Variants in IGSF10 observed in about 807,000 individuals in gnomAD.
IGSF10 encodes the protein immunoglobulin superfamily member 10.
In IGSF10, 126 loss-of-function variants were observed where a neutral mutation model predicts 128.2. That is an observed-to-expected ratio of 0.98 (90% confidence interval 0.85 to 1.14). The LOEUF (loss-of-function observed/expected upper bound fraction) is 1.14, where lower values mean the gene tolerates loss of function less well. Ranked by LOEUF, IGSF10 falls within the 50% of genes most tolerant of loss-of-function variation. The pLI is 0.00. For synonymous variants in IGSF10, 1,185 were observed against 1,146.2 expected (o/e 1.03, Z -0.68); for missense variants, 3,295 against 3,149.8 (o/e 1.05, Z -1.10).
chr3:151,494,783 T>TA, the IGSF10 span, among the ~76,000 whole-genome samples: 3 of 152,156 alleles, frequency 2.0e-5, no homozygotes, highest in Non-Finnish European at 4.4e-5. Context: ...TATGTCTCTA[T>TA]AAAATTCATG....
intron 7 of IGSF10, among the ~76,000 whole-genome samples, chr3:151,441,628 T>C (rs988948277): frequency 1.3e-5 from 2 of 152,198 alleles, no homozygotes; most frequent in Non-Finnish European, 1.5e-5. Flanking sequence ...AACAGATATA[T>C]AAGATGGAAA....
chr3:151,506,316 C>T, the IGSF10 span, among the ~76,000 whole-genome samples: 1 of 152,082 alleles, frequency 6.6e-6, no homozygotes, highest in Non-Finnish European at 1.5e-5. Flanking sequence ...TTTCTTGGCC[C>T]TATTCCTTTA....
the IGSF10 span, among the ~76,000 whole-genome samples, chr3:151,533,584 GA>G: frequency 6.6e-6 from 1 of 152,158 alleles, no homozygotes; most frequent in Non-Finnish European, 1.5e-5. Flanking sequence ...ATGGTGTTGG[GA>G]AAACTGTCTA....
chr3:151,532,747 C>T, the IGSF10 span, among the ~76,000 whole-genome samples: 1 of 152,156 alleles, frequency 6.6e-6, no homozygotes, highest in Non-Finnish European at 1.5e-5. Flanking sequence ...TGGAAGCATT[C>T]CCTTTGAAAA....
chr3:151,524,393 G>T, the IGSF10 span, among the ~76,000 whole-genome samples: 1 of 152,146 alleles, frequency 6.6e-6, no homozygotes, highest in African/African-American at 2.4e-5. Flanking sequence ...GTCCATCAAT[G>T]ACAGATTAGA....
chr3:151,613,590 A>C, the IGSF10 span, among the ~76,000 whole-genome samples: 1 of 152,132 alleles, frequency 6.6e-6, no homozygotes, highest in East Asian at 1.9e-4. Flanking sequence ...TTCCCTATTT[A>C]ATAAATGGTG....
chr3:151,461,028 C>T lies in IGSF10; in HGVS notation c.-171G>A, dbSNP rs1722031632. The T allele has an allele frequency of 1.3e-5, 13 of 985,214 alleles. No homozygotes were observed. The highest frequency in any genetic ancestry group is 4.7e-5 in the South Asian group (1 of 21,288). The allele number at this position is 985,214 out of a possible 1,614,324, so 61.0% of individuals were successfully genotyped here. On this transcript the variant is annotated 5_prime_UTR_variant, in exon 1 of 8. Transcript: ENST00000282466. The stretch of plus-strand genomic sequence containing the variant: ...CCCGGGCTCAGCTGCTGGGGTCGTG[C>T]GGAGCTGGTCCGGAGCTCTGGGAGG...
chr3:151,591,357 G>T, the IGSF10 span, among the ~76,000 whole-genome samples: 1 of 144,508 alleles, frequency 6.9e-6, no homozygotes, highest in South Asian at 2.1e-4. Flanking sequence ...AAATTTTGTT[G>T]TATTTGATGA....
At chr3:151,555,512 T>C in the IGSF10 span, among the ~76,000 whole-genome samples, 2 of 152,116 alleles carry the variant, frequency 1.3e-5, no homozygotes, top group Non-Finnish European at 2.9e-5. Flanking sequence ...TGTTAAGACC[T>C]CTGAAGGAAT....
the IGSF10 span, among the ~76,000 whole-genome samples, chr3:151,602,349 A>G: frequency 3.3e-5 from 5 of 152,092 alleles, no homozygotes; most frequent in Non-Finnish European, 5.9e-5. Context: ...TCAACCCACT[A>G]TTTGATTTCC....
At chr3:151,460,728 T>A (rs1313084884) in intron 1 of IGSF10, among the ~76,000 whole-genome samples, 1 of 151,580 alleles carries the variant, frequency 6.6e-6, no homozygotes, top group Non-Finnish European at 1.5e-5. Context: ...CTTTCCTCAG[T>A]GTGTGTTTTT....
At chr3:151,449,408 T>C (rs1721403096) in intron 5 of IGSF10, 143 bp from the exon 6 acceptor site, 1 of 784,172 alleles carries the variant, frequency 1.3e-6, no homozygotes, top group African/African-American at 1.7e-5. Flanking sequence ...TTTTTGCTTC[T>C]GAATTTGATT....
chr3:151,586,654 T>C, the IGSF10 span, among the ~76,000 whole-genome samples: 1 of 152,236 alleles, frequency 6.6e-6, no homozygotes, highest in Non-Finnish European at 1.5e-5. Flanking sequence ...TTTCTGCATA[T>C]GACTTTTGTA....
chr3:151,433,478 A>G (rs751377580), downstream of IGSF10: 2 of 152,666 alleles, frequency 1.3e-5, no homozygotes, highest in Non-Finnish European at 2.9e-5. Flanking sequence ...GGTTTCTTTG[A>G]GAGCCGCCCT....
rs190749130 is a variant in IGSF10, at chr3:151,456,431, C to T, written c.324+595G>A. On this transcript the variant is annotated intron_variant, in intron 4 of 7. Transcript: ENST00000282466. The stretch of plus-strand genomic sequence containing the variant: ...TTTAATAGATGTCATGTATTGTTAG[C>T]GTCTTGAAAGCTTCAAGTCCTACTT... Among the ~76,000 whole-genome samples the T allele has an allele frequency of 2.4e-3, 370 of 152,268 alleles. 2 individuals are homozygous for T. The highest frequency in any genetic ancestry group is 0.014 in the Middle Eastern group (4 of 294).
At chr3:151,494,009 A>G in the IGSF10 span, among the ~76,000 whole-genome samples, 1 of 152,098 alleles carries the variant, frequency 6.6e-6, no homozygotes, top group African/African-American at 2.4e-5. Context: ...AAAGAAAAAA[A>G]ACAAAAAATT....
chr3:151,496,511 A>G, the IGSF10 span, among the ~76,000 whole-genome samples: 2 of 130,280 alleles, frequency 1.5e-5, no homozygotes, highest in Non-Finnish European at 1.6e-5. Context: ...CCATGTCCCT[A>G]CAAAGGACAT....
At chr3:151,525,704 T>C in the IGSF10 span, among the ~76,000 whole-genome samples, 1 of 152,164 alleles carries the variant, frequency 6.6e-6, no homozygotes, top group Non-Finnish European at 1.5e-5. Context: ...TAAGCATCCT[T>C]ACCACATGCC....
rs539995831 is a variant in IGSF10 at position 151,436,954 on chromosome 3, C to T, written c.7607G>A (p.Arg2536Lys). Residue 2536 changes from arginine to lysine, a missense_variant, in exon 8 of 8, where the codon AGG becomes AAG. By Grantham distance (26) the Arg-to-Lys change is conservative. Transcript: ENST00000282466. ...TGCCCCTGTCCTGGTGACAATACTC[C>T]TGGGTGGACGATTTGTAATTCGGGG... ...YPPRITNRPP[R>K]SIVTRTGAAF... 24 of 1,614,190 alleles carry T rather than the reference C, an allele frequency of 1.5e-5. No homozygotes were observed. The East Asian group carries it at 4.2e-4, about 28-fold the overall frequency.
Sources: allele counts gnomAD v4.1 joint callset (sites outside exome capture counted in the v4.1 genomes callset), GRCh38; gene constraint gnomAD v4.1.1; transcripts MANE v1.5; gene names NCBI Gene and HGNC (gene_info 2026-07-23, HGNC 2026-07-21).